EPB41L4A: variants seen among roughly 807,000 people sequenced by gnomAD.
The protein encoded by EPB41L4A is band 4.1-like protein 4A.
In EPB41L4A, 100 loss-of-function variants were observed where a neutral mutation model predicts 108.6. The ratio of observed to expected loss-of-function variants is 0.92; its 90% CI spans 0.78 to 1.09. The LOEUF is 1.09. EPB41L4A is among the 50% of genes least tolerant of loss of function. The probability of loss-of-function intolerance (pLI) is 0.00; values close to 1 mark genes in which losing one functional copy is unlikely to be tolerated. For missense variants in EPB41L4A, 1,030 were observed against 842.7 expected (o/e 1.22, Z -2.75); for synonymous variants, 319 against 289.0 (o/e 1.10, Z -1.05).
At chr5:112,165,178 T>C in intron 22 of EPB41L4A, 60 bp from the exon 23 acceptor site, 1 of 1,344,450 alleles carries the variant, frequency 7.4e-7, no homozygotes, top group South Asian at 1.3e-5. Context: ...TGAAGTATTT[T>C]AATTACATCA....
chr5:112,330,426 T>C (rs1756488220), intron 1 of EPB41L4A, among the ~76,000 whole-genome samples: 3 of 152,136 alleles, frequency 2.0e-5, no homozygotes, highest in South Asian at 2.1e-4. Context: ...ATTTCTTTTT[T>C]AAGGGAAAAA....
intron 12 of EPB41L4A, among the ~76,000 whole-genome samples, chr5:112,230,960 G>T (rs1022847331): frequency 6.6e-6 from 1 of 152,154 alleles, no homozygotes; most frequent in Non-Finnish European, 1.5e-5. Context: ...TCAAAAATCA[G>T]ACTGAAAGGT....
At chr5:112,402,364 A>G (rs1761819997) in intron 1 of EPB41L4A, among the ~76,000 whole-genome samples, 1 of 151,870 alleles carries the variant, frequency 6.6e-6, no homozygotes, top group South Asian at 2.1e-4. Flanking sequence ...CCAGTCAGCA[A>G]TGCAAGAACA....
chr5:112,193,678 C>G (rs750143644), intron 17 of EPB41L4A, among the ~76,000 whole-genome samples: 1 of 152,208 alleles, frequency 6.6e-6, no homozygotes, highest in Non-Finnish European at 1.5e-5. Flanking sequence ...TAGGTGAAAA[C>G]AGGTTTCTCA....
chr5:112,356,343 T>A (rs1016175127), intron 1 of EPB41L4A, among the ~76,000 whole-genome samples: 3 of 152,136 alleles, frequency 2.0e-5, no homozygotes, highest in African/African-American at 7.2e-5. Context: ...GGGTGGTAAC[T>A]CCTATTACAT....
chr5:112,268,109 T>C (rs1424258498), intron 4 of EPB41L4A, among the ~76,000 whole-genome samples: 1 of 152,200 alleles, frequency 6.6e-6, no homozygotes, highest in African/African-American at 2.4e-5. Flanking sequence ...AGAGTGGGCA[T>C]GGTGGCTCAT....
chr5:112,266,407 G>C, intron 4 of EPB41L4A, 77 bp from the exon 5 acceptor site: 1 of 950,284 alleles, frequency 1.1e-6, no homozygotes, highest in Non-Finnish European at 1.6e-6. Context: ...TGATAATCAA[G>C]GTTAACAACC....
chr5:112,165,272 C>G (rs1356619053), intron 22 of EPB41L4A, among the ~76,000 whole-genome samples, 154 bp from the exon 23 acceptor site: 4 of 152,182 alleles, frequency 2.6e-5, no homozygotes, highest in African/African-American at 9.7e-5. Flanking sequence ...AATGTTCCCT[C>G]TAAATAGCTG....
intron 1 of EPB41L4A, among the ~76,000 whole-genome samples, chr5:112,339,480 A>ATATATATATATC (rs1757130653): frequency 3.0e-5 from 1 of 32,970 alleles, no homozygotes; most frequent in African/African-American, 1.2e-4. Flanking sequence ...ATATCTATAT[A>ATATATATATATC]TATATATATA....
chr5:112,380,786 C>CACACAT (rs1363473073), intron 1 of EPB41L4A, among the ~76,000 whole-genome samples: 2 of 98,972 alleles, frequency 2.0e-5, no homozygotes, highest in Non-Finnish European at 2.2e-5. Context: ...CTGCACATCA[C>CACACAT]ACACATACAC....
chr5:112,196,735 G>A (rs1293113812), intron 15 of EPB41L4A: 1 of 152,188 alleles, frequency 6.6e-6, no homozygotes, highest in African/African-American at 2.4e-5. Flanking sequence ...GAGCAGTGCT[G>A]GAAGGAGTCA....
At position 112,327,035 on chromosome 5, in the gene EPB41L4A, A is replaced by G. The variant is rs17343107; in HGVS notation, c.100-19545T>C. 4.4e-3 allele frequency among the ~76,000 whole-genome samples: 677 copies of G among 152,272 alleles called. 9 individuals are homozygous for G. Among genetic ancestry groups the G allele is most frequent in the African/African-American group, 0.016 (660 of 41,538 alleles). ...GGTACTAAATCTTACAAACCTTACA[A>G]TTGTGTCCCCACAAGGCAAGAGTAA... On this transcript the variant is annotated intron_variant, in intron 1 of 22. Coordinates refer to ENST00000261486, the MANE Select transcript of EPB41L4A (RefSeq NM_022140.5).
chr5:112,252,803 G>A (rs1311411991), intron 9 of EPB41L4A, among the ~76,000 whole-genome samples: 3 of 151,858 alleles, frequency 2.0e-5, no homozygotes, highest in Non-Finnish European at 4.4e-5. Context: ...ATATACCCAT[G>A]TAACAAACCT....
chr5:112,194,668 A>T (rs774585992), intron 16 of EPB41L4A, 23 bp from the exon 17 acceptor site: 19 of 1,556,864 alleles, frequency 1.2e-5, no homozygotes, highest in African/African-American at 1.4e-5. Context: ...AGGTAAGAAC[A>T]AAAGAAAAAA....
At chr5:112,265,848 T>A (rs1751812447) in intron 5 of EPB41L4A, among the ~76,000 whole-genome samples, 1 of 152,216 alleles carries the variant, frequency 6.6e-6, no homozygotes, top group East Asian at 1.9e-4. Context: ...CAATAGCACC[T>A]GGCCATGCAG....
chr5:112,347,561 G>A (rs1371602931), intron 1 of EPB41L4A, among the ~76,000 whole-genome samples: 1 of 152,290 alleles, frequency 6.6e-6, no homozygotes, highest in South Asian at 2.1e-4. Flanking sequence ...ACACACGGTT[G>A]CTGAGTTTGT....
intron 7 of EPB41L4A, among the ~76,000 whole-genome samples, 199 bp from the exon 8 acceptor site, chr5:112,260,178 G>A (rs564650017): frequency 1.3e-5 from 2 of 152,170 alleles, no homozygotes; most frequent in African/African-American, 2.4e-5. Context: ...GAAACTTTCT[G>A]TTGGCGTTCT....
At chr5:112,319,376 C>A (rs1755624373) in intron 1 of EPB41L4A, among the ~76,000 whole-genome samples, 1 of 152,018 alleles carries the variant, frequency 6.6e-6, no homozygotes, top group African/African-American at 2.4e-5. Context: ...TGTGTCCTTA[C>A]AATAAAATGC....
chr5:112,181,385 G>A (rs1761144533), intron 18 of EPB41L4A, among the ~76,000 whole-genome samples: 9 of 152,054 alleles, frequency 5.9e-5, no homozygotes, highest in Admixed American at 5.9e-4. Context: ...CCGGGAGGCG[G>A]AGCTTGCAGT....
Sources: allele counts gnomAD v4.1 joint callset (sites outside exome capture counted in the v4.1 genomes callset), GRCh38; gene constraint gnomAD v4.1.1; transcripts MANE v1.5; gene names NCBI Gene and HGNC (gene_info 2026-07-23, HGNC 2026-07-21).